COX7A2L: variants seen among roughly 807,000 people sequenced by gnomAD.
COX7A2L encodes the protein cytochrome c oxidase subunit 7A2-like, mitochondrial.
In COX7A2L, 18 loss-of-function variants were observed where a neutral mutation model predicts 14.2. The ratio of observed to expected loss-of-function variants is 1.27; its 90% CI spans 0.88 to 1.88. The LOEUF (loss-of-function observed/expected upper bound fraction) is 1.88, where lower values mean the gene tolerates loss of function less well. Among genes scored for constraint, COX7A2L ranks in the 40% most tolerant of loss-of-function variants. The pLI, the probability that COX7A2L is intolerant of heterozygous loss-of-function variation, is 0.00. For missense variants in COX7A2L, 179 were observed against 138.8 expected, an observed-to-expected ratio of 1.29 and a Z score of -1.46; for synonymous variants, 65 against 57.4, an observed-to-expected ratio of 1.13 and a Z score of -0.60.
chr2:42,363,769 G>A (rs1397364070), upstream of COX7A2L, among the ~76,000 whole-genome samples: 3 of 152,140 alleles, frequency 2.0e-5, no homozygotes, highest in Non-Finnish European at 4.4e-5. Flanking sequence ...ATCCCTTCAG[G>A]TTGTTCCCCA....
intron 1 of COX7A2L, among the ~76,000 whole-genome samples, chr2:42,358,879 C>G (rs866000909): frequency 6.6e-6 from 1 of 152,112 alleles, no homozygotes; most frequent in South Asian, 2.1e-4. Flanking sequence ...ATCTGTAACC[C>G]CAGCCACTCA....
downstream of COX7A2L, among the ~76,000 whole-genome samples, chr2:42,349,070 T>C (rs1384367443): frequency 6.6e-6 from 1 of 152,182 alleles, no homozygotes; most frequent in African/African-American, 2.4e-5. Flanking sequence ...CCTCAAAATG[T>C]TAAACAGAGT....
chr2:42,352,883 T>C (rs548983052), intron 2 of COX7A2L: 7 of 337,872 alleles, frequency 2.1e-5, no homozygotes, highest in South Asian at 2.3e-4. Context: ...AAGTCAAATA[T>C]ATATATTGGG....
intron 1 of COX7A2L, among the ~76,000 whole-genome samples, chr2:42,355,555 A>T (rs1034572271): frequency 6.6e-6 from 1 of 152,096 alleles, no homozygotes; most frequent in Non-Finnish European, 1.5e-5. Flanking sequence ...CTTAATTTTA[A>T]ATTAATTCCG....
At chr2:42,354,467 C>T (rs1014325402) in intron 1 of COX7A2L, among the ~76,000 whole-genome samples, 11 of 151,982 alleles carry the variant, frequency 7.2e-5, no homozygotes, top group African/African-American at 2.7e-4. Context: ...TAATTCAAAC[C>T]CAGCCTTTTC....
downstream of COX7A2L, chr2:42,349,251 T>C (rs1189929513): frequency 1.3e-5 from 2 of 152,246 alleles, no homozygotes; most frequent in Non-Finnish European, 2.9e-5. Context: ...GGTATACCCA[T>C]TCGATTGAAT....
intron 1 of COX7A2L, among the ~76,000 whole-genome samples, chr2:42,356,363 G>T (rs1272108631): frequency 6.6e-6 from 1 of 152,084 alleles, no homozygotes; most frequent in African/African-American, 2.4e-5. Context: ...TTTGCTTACT[G>T]TGTCTCCCCC....
At chr2:42,360,540 G>C (rs1490551849) in intron 1 of COX7A2L, among the ~76,000 whole-genome samples, 3 of 152,188 alleles carry the variant, frequency 2.0e-5, no homozygotes, top group South Asian at 4.1e-4. Context: ...AATCGGGAAA[G>C]TGTAACCTCG....
chr2:42,361,242 C>A (rs990649662), upstream of COX7A2L: 1 of 1,340,230 alleles, frequency 7.5e-7, no homozygotes, highest in Admixed American at 2.2e-5. Context: ...GCTGTGGTCC[C>A]GAGACTCAGC....
intron 1 of COX7A2L, among the ~76,000 whole-genome samples, chr2:42,356,006 G>A (rs1670807314): frequency 1.3e-5 from 2 of 152,034 alleles, no homozygotes; most frequent in African/African-American, 2.4e-5. Flanking sequence ...GATTACAGGC[G>A]TGAGCCACCA....
At chr2:42,348,442 C>T (rs942298516), downstream of COX7A2L, among the ~76,000 whole-genome samples, 7 of 152,250 alleles carry the variant, frequency 4.6e-5, no homozygotes, top group South Asian at 4.1e-4. Flanking sequence ...CCTGACATAA[C>T]GAGGACACCA....
chr2:42,349,300 T>C (rs1670565924), downstream of COX7A2L: 1 of 152,144 alleles, frequency 6.6e-6, no homozygotes, highest in African/African-American at 2.4e-5. Context: ...TGCCACAACA[T>C]GGATGAGCCT....
chr2:42,361,612 G>T, upstream of COX7A2L: 1 of 159,438 alleles, frequency 6.3e-6, no homozygotes, highest in Non-Finnish European at 1.4e-5. Flanking sequence ...CGTGGTCTGG[G>T]TAGGGGCGGG....
At chr2:42,368,123 T>C (rs2103924808) in intron 1 of COX7A2L, among the ~76,000 whole-genome samples, 1 of 152,344 alleles carries the variant, frequency 6.6e-6, no homozygotes, top group African/African-American at 2.4e-5. Context: ...CTTGAATCAT[T>C]AAGAACAACC....
chr2:42,360,919 G>A (rs1040514253), intron 1 of COX7A2L, 171 bp downstream of exon 1: 3 of 682,018 alleles, frequency 4.4e-6, no homozygotes, highest in Admixed American at 2.7e-5. Context: ...ACAAAAAGAA[G>A]CCTCAGTGAC....
intron 2 of COX7A2L, among the ~76,000 whole-genome samples, chr2:42,337,150 A>G (rs1329653289): frequency 3.9e-5 from 6 of 152,196 alleles, no homozygotes; most frequent in Non-Finnish European, 8.8e-5. Context: ...CACTGAAACC[A>G]TCCACCCATT....
intron 1 of COX7A2L, among the ~76,000 whole-genome samples, chr2:42,358,597 C>T (rs1670906797): frequency 6.6e-6 from 1 of 152,206 alleles, no homozygotes; most frequent in Non-Finnish European, 1.5e-5. Context: ...AAAGCCTACA[C>T]AGTATCACTT....
upstream of COX7A2L, among the ~76,000 whole-genome samples, chr2:42,364,368 G>A (rs1041054846): frequency 3.3e-5 from 5 of 152,060 alleles, no homozygotes; most frequent in Non-Finnish European, 7.4e-5. Context: ...CCCATTCTAC[G>A]GTAGTTTCCC....
chr2:42,337,465 G>A (rs1043464854), intron 2 of COX7A2L, among the ~76,000 whole-genome samples: 2 of 152,182 alleles, frequency 1.3e-5, no homozygotes, highest in South Asian at 4.1e-4. Flanking sequence ...GAATGGAAGG[G>A]AGGGGAGGCA....
Sources: gnomAD v4.1 joint callset for allele counts (sites outside exome capture counted in the v4.1 genomes callset) on GRCh38, gnomAD v4.1.1 for gene constraint, MANE v1.5 for transcripts, NCBI Gene and HGNC (gene_info 2026-07-23, HGNC 2026-07-21) for gene names.